The following RASA1 variants were observed in gnomAD, a reference collection of about 807,000 sequenced individuals.
RASA1 encodes ras GTPase-activating protein 1.
Under a neutral mutation model 132.2 loss-of-function variants are expected in RASA1, and 25 were observed. That is an observed-to-expected ratio of 0.19 (90% CI 0.14 to 0.26). The LOEUF is 0.26. Ranked by LOEUF, RASA1 falls within the 10% of genes least tolerant of loss-of-function variation. RASA1 has a pLI of 1.00. For synonymous variants in RASA1, 477 were observed against 449.9 expected (o/e 1.06, Z -0.76); for missense variants, 964 against 1,299.2 (o/e 0.74, Z 3.97).
rs143759078 is a variant in RASA1 at position 87,313,053 on chromosome 5, C to T, written c.540-18295C>T. Among the ~76,000 whole-genome samples, 31 of 152,194 alleles carry T rather than the reference C, an allele frequency of 2.0e-4. 1 individual carries two copies. The East Asian group carries it at 5.8e-3, about 28-fold the overall frequency. On this transcript the variant is annotated intron_variant, in intron 1 of 24. Coordinates refer to ENST00000274376, the MANE Select transcript of RASA1 (RefSeq NM_002890.3). The stretch of plus-strand genomic sequence containing the variant: ...TTCCCTGAATTGGATGGGGGCTGAA[C>T]AGGCGTCTTACAAATCATCTTTGAG...
chr5:87,329,182 C>T (rs1757439135), intron 1 of RASA1, among the ~76,000 whole-genome samples: 1 of 151,814 alleles, frequency 6.6e-6, no homozygotes, highest in African/African-American at 2.4e-5. Context: ...TGGTGGCTCA[C>T]ACCTGTAATC....
At chr5:87,366,153 C>T (rs886357267) in intron 11 of RASA1, among the ~76,000 whole-genome samples, 1 of 151,962 alleles carries the variant, frequency 6.6e-6, no homozygotes, top group South Asian at 2.1e-4. Flanking sequence ...ATGTACAATA[C>T]AAAAAGATAT....
intron 1 of RASA1, chr5:87,330,876 T>C: frequency 9.8e-7 from 1 of 1,024,818 alleles, no homozygotes; most frequent in Non-Finnish European, 1.3e-6. Context: ...ACAGTGTAAT[T>C]CTGTTTTCCT....
intron 1 of RASA1, among the ~76,000 whole-genome samples, chr5:87,270,688 A>G (rs1396412625): frequency 1.1e-5 from 1 of 93,470 alleles, no homozygotes; most frequent in Admixed American, 1.6e-4. Flanking sequence ...TTTTTTGGAT[A>G]AGCTTCTTTG....
At position 87,305,309 on chromosome 5, in the gene RASA1, C is replaced by T. The variant is rs145245833; in HGVS notation, c.540-26039C>T. On this transcript the variant is annotated intron_variant, in intron 1 of 24. Coordinates refer to ENST00000274376, the MANE Select transcript of RASA1 (RefSeq NM_002890.3). ...CTGGTACAAGAACAGAGACATACAC[C>T]GATGGAACGGAATAGAGAACCTGGA... is the stretch of plus-strand genomic sequence containing the variant. 1.6e-3 allele frequency among the ~76,000 whole-genome samples: 245 copies of T among 152,174 alleles called. 1 individual carries two copies. The highest frequency in any genetic ancestry group is 6.8e-3 in the Middle Eastern group (2 of 294).
chr5:87,357,840 T>C (rs1010272768), intron 9 of RASA1, among the ~76,000 whole-genome samples: 2 of 152,210 alleles, frequency 1.3e-5, no homozygotes. Flanking sequence ...AAACCTCCAA[T>C]TGGTTTTGCA....
chr5:87,346,951 C>T (rs1758908368), intron 7 of RASA1, among the ~76,000 whole-genome samples: 1 of 151,962 alleles, frequency 6.6e-6, no homozygotes, highest in South Asian at 2.1e-4. Flanking sequence ...CTGTCCACTT[C>T]CTCAGAAGTA....
chr5:87,335,627 TG>T (rs1257825320), intron 4 of RASA1, among the ~76,000 whole-genome samples: 1 of 151,896 alleles, frequency 6.6e-6, no homozygotes, highest in Admixed American at 6.6e-5. Flanking sequence ...GGTTTCACCA[TG>T]TTGGCCAGGG....
intron 4 of RASA1, among the ~76,000 whole-genome samples, chr5:87,336,849 A>T (rs975262810): frequency 5.3e-5 from 8 of 152,094 alleles, no homozygotes; most frequent in Admixed American, 4.6e-4. Context: ...GCCATCATTA[A>T]GAAGGATTGT....
At chr5:87,346,787 C>A in intron 7 of RASA1, 63 bp downstream of exon 7, 2 of 1,277,660 alleles carry the variant, frequency 1.6e-6, no homozygotes, top group South Asian at 1.2e-5. Context: ...GTGAACAAAC[C>A]ATTTATCATG....
chr5:87,375,027 A>G, intron 15 of RASA1, 111 bp downstream of exon 15: 1 of 1,333,712 alleles, frequency 7.5e-7, no homozygotes, highest in South Asian at 1.4e-5. Flanking sequence ...TGCAAGTAGT[A>G]TAATTTGAGA....
At chr5:87,346,017 T>C (rs899559447) in intron 6 of RASA1, among the ~76,000 whole-genome samples, 2 of 152,146 alleles carry the variant, frequency 1.3e-5, no homozygotes, top group African/African-American at 2.4e-5. Context: ...ACTTAGGTTA[T>C]TGTATGCTCT....
intron 1 of RASA1, among the ~76,000 whole-genome samples, chr5:87,307,826 C>T (rs970044889): frequency 2.6e-5 from 4 of 151,962 alleles, no homozygotes; most frequent in South Asian, 4.2e-4. Flanking sequence ...TATACTCTCT[C>T]GGCGTGCGTT....
intron 20 of RASA1, among the ~76,000 whole-genome samples, chr5:87,380,821 T>C (rs1403061754): frequency 6.6e-6 from 1 of 152,200 alleles, no homozygotes; most frequent in Non-Finnish European, 1.5e-5. Context: ...AGTCAAGTAT[T>C]GGGGATTTTT....
chr5:87,388,667 T>A (rs146733912), intron 23 of RASA1, among the ~76,000 whole-genome samples: 1 of 152,216 alleles, frequency 6.6e-6, no homozygotes, highest in Non-Finnish European at 1.5e-5. Context: ...ACACTGATTA[T>A]TCCCACACAT....
intron 1 of RASA1, among the ~76,000 whole-genome samples, chr5:87,307,195 C>G (rs1308677255): frequency 1.3e-5 from 2 of 152,078 alleles, no homozygotes; most frequent in African/African-American, 2.4e-5. Context: ...AAAACGATGT[C>G]CCATTCATCT....
Position 87,267,918 on chromosome 5 carries a change from C to T in RASA1, c.-534C>T. 3 of 392,954 alleles carry T rather than the reference C, an allele frequency of 7.6e-6. No individual in the cohort carries two copies. Among genetic ancestry groups the T allele is most frequent in the East Asian group, 7.4e-5 (2 of 26,918 alleles). 24.3% of individuals were successfully genotyped at this position (392,954 alleles called of 1,614,324 possible). A position where few individuals can be genotyped will look rare whatever the true frequency, so the allele number is the denominator to read the frequency against. ...AGCTCCAGGTAGTGAGCAGTTCAGT[C>T]GATTTCCTCGTTACCCCGCCCCCCT... On this transcript the variant is annotated 5_prime_UTR_variant, in exon 1 of 25. Coordinates refer to ENST00000274376, the MANE Select transcript of RASA1 (RefSeq NM_002890.3).
chr5:87,364,715 A>G (rs1760376720), intron 11 of RASA1, among the ~76,000 whole-genome samples: 2 of 152,074 alleles, frequency 1.3e-5, no homozygotes, highest in Non-Finnish European at 2.9e-5. Flanking sequence ...TCCTTCCTCA[A>G]ACCAGTTCCC....
At chr5:87,304,214 T>G (rs1755504381) in intron 1 of RASA1, among the ~76,000 whole-genome samples, 1 of 152,184 alleles carries the variant, frequency 6.6e-6, no homozygotes. Flanking sequence ...GCATTTTGTA[T>G]TCTTCTACTT....
Sources: gnomAD v4.1 joint callset for allele counts (sites outside exome capture counted in the v4.1 genomes callset) on GRCh38, gnomAD v4.1.1 for gene constraint, MANE v1.5 for transcripts, NCBI Gene and HGNC (gene_info 2026-07-23, HGNC 2026-07-21) for gene names.